COL14A1: variants seen among roughly 807,000 people sequenced by gnomAD.
The protein encoded by COL14A1 is collagen type XIV alpha 1 chain.
In COL14A1, 136 loss-of-function variants were observed where a neutral mutation model predicts 230.3. The ratio of observed to expected loss-of-function variants is 0.59; its 90% CI spans 0.51 to 0.68. The LOEUF (loss-of-function observed/expected upper bound fraction) is 0.68, where lower values mean the gene tolerates loss of function less well. COL14A1 is among the 30% of genes least tolerant of loss of function. The pLI is 0.00. For missense variants in COL14A1, 1,976 were observed against 2,215.8 expected (o/e 0.89, Z 2.17); for synonymous variants, 792 against 784.1 (o/e 1.01, Z -0.17).
intron 42 of COL14A1, among the ~76,000 whole-genome samples, chr8:120,335,864 G>T (rs1822044524): frequency 6.6e-6 from 1 of 152,168 alleles, no homozygotes. Flanking sequence ...TCACTGCTGG[G>T]GCCATGTGTT....
intron 1 of COL14A1, among the ~76,000 whole-genome samples, chr8:120,128,953 C>T (rs1293257916): frequency 1.3e-5 from 2 of 151,812 alleles, no homozygotes; most frequent in Non-Finnish European, 1.5e-5. Context: ...GTCAGAGGGC[C>T]CATTATTGGA....
intron 14 of COL14A1, among the ~76,000 whole-genome samples, chr8:120,219,493 G>A (rs545399402): frequency 6.6e-6 from 1 of 152,292 alleles, no homozygotes; most frequent in African/African-American, 2.4e-5. Context: ...GAATTTGCAG[G>A]TGTATTCCTC....
chr8:120,238,108 T>C (rs1471949247), intron 19 of COL14A1, among the ~76,000 whole-genome samples: 1 of 152,208 alleles, frequency 6.6e-6, no homozygotes, highest in Non-Finnish European at 1.5e-5. Flanking sequence ...GAGGAGACTG[T>C]CTGTCCCTTA....
intron 1 of COL14A1, among the ~76,000 whole-genome samples, chr8:120,143,467 A>T (rs1395668758): frequency 6.6e-6 from 1 of 152,054 alleles, no homozygotes; most frequent in African/African-American, 2.4e-5. Flanking sequence ...AAAAAATATA[A>T]TACAAAACAA....
rs763766441 is a variant in COL14A1, at chr8:120,255,233, A to G, written c.2753-7A>G. 1.2e-6 allele frequency: 2 copies of G among 1,605,708 alleles called. No homozygotes were observed. Among genetic ancestry groups the G allele is most frequent in the Non-Finnish European group, 1.7e-6 (2 of 1,172,346 alleles). ...TGTGATACAGTTATGTTTCTATTTC[A>G]TTCCAGTGTTCTTGGGTGTTACCAA... On this transcript the variant is annotated splice_polypyrimidine_tract_variant and splice_region_variant and intron_variant, in intron 22 of 47. Coordinates refer to ENST00000297848, the MANE Select transcript of COL14A1 (RefSeq NM_021110.4).
intron 45 of COL14A1, among the ~76,000 whole-genome samples, chr8:120,353,702 C>T (rs1822860259): frequency 6.7e-6 from 1 of 150,042 alleles, no homozygotes; most frequent in Admixed American, 6.6e-5. Flanking sequence ...TACCATCTCA[C>T]ACCAGTTAGA....
chr8:120,170,548 A>T (rs906613311), intron 5 of COL14A1, among the ~76,000 whole-genome samples: 2 of 152,068 alleles, frequency 1.3e-5, no homozygotes, highest in African/African-American at 4.8e-5. Context: ...GAGGTATTTT[A>T]TTACTTAAAT....
chr8:120,201,662 G>A (rs1817252104), intron 8 of COL14A1, among the ~76,000 whole-genome samples: 1 of 151,980 alleles, frequency 6.6e-6, no homozygotes, highest in South Asian at 2.1e-4. Context: ...ATCTTTTAGA[G>A]TTATCAATGA....
intron 1 of COL14A1, among the ~76,000 whole-genome samples, chr8:120,127,617 G>A (rs1192814412): frequency 6.6e-6 from 1 of 152,236 alleles, no homozygotes; most frequent in Admixed American, 6.5e-5. Flanking sequence ...GATTTGAGGG[G>A]CTCTAGGGAA....
intron 45 of COL14A1, among the ~76,000 whole-genome samples, chr8:120,364,358 G>C (rs1823329653): frequency 6.6e-6 from 1 of 152,246 alleles, no homozygotes; most frequent in Middle Eastern, 3.4e-3. Flanking sequence ...AATATATCCA[G>C]ATCTATTTTT....
At chr8:120,125,681 C>A (rs528749462) in intron 1 of COL14A1, among the ~76,000 whole-genome samples, 1 of 152,034 alleles carries the variant, frequency 6.6e-6, no homozygotes, top group Non-Finnish European at 1.5e-5. Context: ...GGGACAGTGG[C>A]GGCTCCAGCA....
intron 36 of COL14A1, 25 bp downstream of exon 36, chr8:120,300,843 A>G (rs779971599): frequency 2.6e-6 from 4 of 1,568,376 alleles, no homozygotes; most frequent in Non-Finnish European, 3.5e-6. Context: ...GTTCAGCCTT[A>G]AATTTTCTTT....
chr8:120,202,989 AATATATATATATAT>A (rs201356550), intron 8 of COL14A1, among the ~76,000 whole-genome samples: 34,389 of 106,648 alleles, frequency 0.32, 5,129 homozygotes, highest in East Asian at 0.55. Context: ...AATAATTTCA[AATATATATATATAT>A]ATATATATAT....
intron 38 of COL14A1, among the ~76,000 whole-genome samples, 170 bp downstream of exon 38, chr8:120,314,197 G>A (rs988383242): frequency 4.6e-5 from 7 of 152,194 alleles, no homozygotes; most frequent in Non-Finnish European, 8.8e-5. Flanking sequence ...TGTGTCCAAT[G>A]ATGAAGGTCT....
At chr8:120,180,431 A>G (rs567479824) in intron 5 of COL14A1, among the ~76,000 whole-genome samples, 7 of 152,352 alleles carry the variant, frequency 4.6e-5, no homozygotes, top group African/African-American at 1.4e-4. Flanking sequence ...CATATTAGTC[A>G]GGAATCCTTG....
At chr8:120,192,428 T>A (rs1249399087) in intron 5 of COL14A1, among the ~76,000 whole-genome samples, 5 of 152,248 alleles carry the variant, frequency 3.3e-5, no homozygotes, top group Non-Finnish European at 7.3e-5. Flanking sequence ...GTTAGTCTGA[T>A]GGGCTTCCCT....
intron 10 of COL14A1, among the ~76,000 whole-genome samples, chr8:120,207,637 A>G (rs957696): frequency 0.57 from 87,327 of 152,104 alleles, 26,477 homozygotes; most frequent in African/African-American, 0.77. Context: ...CCAGATGATT[A>G]GATCCTTCCC....
At chr8:120,133,307 G>GA (rs1300445755) in intron 1 of COL14A1, among the ~76,000 whole-genome samples, 1 of 150,502 alleles carries the variant, frequency 6.6e-6, no homozygotes, top group Non-Finnish European at 1.5e-5. Flanking sequence ...TATAAAACTG[G>GA]AAAAAATAAT....
chr8:120,151,616 C>A, intron 2 of COL14A1, among the ~76,000 whole-genome samples: 1 of 111,884 alleles, frequency 8.9e-6, no homozygotes, highest in African/African-American at 3.5e-5. Context: ...CTCCAGCCTG[C>A]ACAACAGAGC....
Sources: gnomAD v4.1 joint callset for allele counts (sites outside exome capture counted in the v4.1 genomes callset) on GRCh38, gnomAD v4.1.1 for gene constraint, MANE v1.5 for transcripts, NCBI Gene and HGNC (gene_info 2026-07-23, HGNC 2026-07-21) for gene names.